The following HSD17B12 variants were observed in gnomAD, a reference collection of about 807,000 sequenced individuals.
The protein encoded by HSD17B12 is very-long-chain 3-oxoacyl-CoA reductase.
HSD17B12 carries 32 observed loss-of-function variants against 39.3 expected under a neutral mutation model. That is an observed-to-expected ratio of 0.81 (90% confidence interval 0.61 to 1.09). The LOEUF is 1.09. HSD17B12 is among the 50% of genes least tolerant of loss of function. HSD17B12 has a pLI of 0.00. For synonymous variants in HSD17B12, 150 were observed against 146.7 expected, an observed-to-expected ratio of 1.02 and a Z score of -0.16; for missense variants, 342 against 382.9, an observed-to-expected ratio of 0.89 and a Z score of 0.89.
chr11:43,664,137 C>G, the HSD17B12 span, among the ~76,000 whole-genome samples: 1 of 152,176 alleles, frequency 6.6e-6, no homozygotes, highest in South Asian at 2.1e-4. Flanking sequence ...GCTTGAGCCA[C>G]TATGCCCGGC....
At chr11:43,562,100 C>G in the HSD17B12 span, among the ~76,000 whole-genome samples, 3 of 152,188 alleles carry the variant, frequency 2.0e-5, no homozygotes, top group African/African-American at 7.2e-5. Context: ...AATAGCTACC[C>G]CACACAGTTA....
chr11:43,573,684 G>C, the HSD17B12 span, among the ~76,000 whole-genome samples: 3 of 152,172 alleles, frequency 2.0e-5, no homozygotes, highest in Non-Finnish European at 4.4e-5. Context: ...ATACAGCATA[G>C]AAAGCAGTTA....
At chr11:43,789,636 G>T (rs1222403480) in intron 3 of HSD17B12, among the ~76,000 whole-genome samples, 1 of 152,180 alleles carries the variant, frequency 6.6e-6, no homozygotes, top group African/African-American at 2.4e-5. Context: ...AGCTGACCCA[G>T]GTCATTTGGT....
At chr11:43,746,172 C>T (rs1255177883) in intron 1 of HSD17B12, among the ~76,000 whole-genome samples, 1 of 152,088 alleles carries the variant, frequency 6.6e-6, no homozygotes, top group Admixed American at 6.6e-5. Context: ...ACGTTTAATA[C>T]TTGGGCTATA....
At chr11:43,664,424 G>T in the HSD17B12 span, among the ~76,000 whole-genome samples, 38 of 152,278 alleles carry the variant, frequency 2.5e-4, no homozygotes, top group African/African-American at 8.7e-4. Context: ...ACAAAAAACA[G>T]CAGGCCTCAG....
At chr11:43,642,222 T>C in the HSD17B12 span, among the ~76,000 whole-genome samples, 1 of 151,720 alleles carries the variant, frequency 6.6e-6, no homozygotes, top group Non-Finnish European at 1.5e-5. Flanking sequence ...GAAGAGTTCA[T>C]TTCTAGAATA....
At chr11:43,631,262 T>C in the HSD17B12 span, among the ~76,000 whole-genome samples, 2 of 152,188 alleles carry the variant, frequency 1.3e-5, no homozygotes, top group African/African-American at 4.8e-5. Context: ...TAAGATTTTT[T>C]GAAGAAATAT....
the HSD17B12 span, among the ~76,000 whole-genome samples, chr11:43,585,384 A>C: frequency 6.6e-6 from 1 of 152,184 alleles, no homozygotes; most frequent in Non-Finnish European, 1.5e-5. Context: ...GGAGAAACCA[A>C]GCTACCTGCC....
intron 3 of HSD17B12, among the ~76,000 whole-genome samples, chr11:43,767,444 AAAAG>A (rs1349663240): frequency 5.9e-5 from 9 of 152,220 alleles, no homozygotes; most frequent in African/African-American, 2.2e-4. Flanking sequence ...TCTTATCATG[AAAAG>A]AAAGTACTTT....
the HSD17B12 span, chr11:43,578,932 G>A: frequency 3.9e-5 from 6 of 152,154 alleles, no homozygotes; most frequent in Admixed American, 3.3e-4. Context: ...TGTAATTTTG[G>A]TTGGAACCAG....
intron 1 of HSD17B12, among the ~76,000 whole-genome samples, chr11:43,716,409 T>C (rs192111527): frequency 3.3e-5 from 5 of 152,318 alleles, no homozygotes; most frequent in African/African-American, 1.2e-4. Context: ...AATTTGTGCT[T>C]ACGTCTGGTA....
At chr11:43,789,952 C>T (rs187274673) in intron 3 of HSD17B12, among the ~76,000 whole-genome samples, 5 of 152,170 alleles carry the variant, frequency 3.3e-5, no homozygotes, top group South Asian at 2.1e-4. Context: ...GCCTCCCCCC[C>T]GCAAAAAAGA....
At chr11:43,779,050 G>C (rs1298615580) in intron 3 of HSD17B12, among the ~76,000 whole-genome samples, 2 of 152,114 alleles carry the variant, frequency 1.3e-5, no homozygotes, top group Non-Finnish European at 2.9e-5. Flanking sequence ...TAATATTTTA[G>C]AATTTGGCAG....
At position 43,855,282 on chromosome 11, in the gene HSD17B12, C is replaced by T; in HGVS notation, c.*34C>T. On this transcript the variant is annotated 3_prime_UTR_variant, in exon 11 of 11. Coordinates refer to ENST00000278353, the MANE Select transcript of HSD17B12 (RefSeq NM_016142.3). ...AACTGCATTGTAACTTGGCCAGATG[C>T]TCCAGCATATGCACGTTCACTGCAA... The T allele has an allele frequency of 7.3e-7, 1 of 1,370,244 alleles. No individual in the cohort carries two copies. The highest frequency in any genetic ancestry group is 1.0e-6 in the Non-Finnish European group (1 of 977,518). The allele number at this position is 1,370,244 out of a possible 1,614,324, so 84.9% of individuals were successfully genotyped here. A position where few individuals can be genotyped will look rare whatever the true frequency, so the allele number is the denominator to read the frequency against.
At chr11:43,838,190 G>A in intron 7 of HSD17B12, 127 bp from the exon 8 acceptor site, 2 of 687,040 alleles carry the variant, frequency 2.9e-6, no homozygotes, top group Non-Finnish European at 5.3e-6. Flanking sequence ...GAAAGGCAGG[G>A]AGAGATATGT....
intron 3 of HSD17B12, among the ~76,000 whole-genome samples, chr11:43,793,083 T>C (rs1030462797): frequency 2.0e-5 from 3 of 152,010 alleles, no homozygotes; most frequent in African/African-American, 7.3e-5. Flanking sequence ...ACAGACTCTT[T>C]GCTTAATATA....
chr11:43,638,170 A>G, the HSD17B12 span, among the ~76,000 whole-genome samples: 1 of 152,222 alleles, frequency 6.6e-6, no homozygotes, highest in East Asian at 1.9e-4. Flanking sequence ...ATAGACACAT[A>G]TAGAATGTTC....
intron 1 of HSD17B12, among the ~76,000 whole-genome samples, chr11:43,697,629 T>A (rs1042798402): frequency 1.3e-5 from 2 of 152,202 alleles, no homozygotes; most frequent in African/African-American, 4.8e-5. Context: ...TTAGCCACTA[T>A]GCTAAACGGC....
intron 1 of HSD17B12, among the ~76,000 whole-genome samples, chr11:43,696,349 G>A (rs1230625784): frequency 2.6e-5 from 4 of 152,130 alleles, no homozygotes. Context: ...TCATCAAAAA[G>A]TGGGCAAAGG....
Sources: allele counts gnomAD v4.1 joint callset (sites outside exome capture counted in the v4.1 genomes callset), GRCh38; gene constraint gnomAD v4.1.1; transcripts MANE v1.5; gene names NCBI Gene and HGNC (gene_info 2026-07-23, HGNC 2026-07-21).